The following SYT16 variants were observed in gnomAD, a reference collection of about 807,000 sequenced individuals.
SYT16 encodes synaptotagmin 16.
SYT16 carries 42 observed loss-of-function variants against 61.4 expected under a neutral mutation model. That is an observed-to-expected ratio of 0.68 (90% CI 0.53 to 0.89). The LOEUF (loss-of-function observed/expected upper bound fraction) is 0.89. Among genes scored for constraint, SYT16 ranks in the 40% least tolerant of loss-of-function variants. The pLI is 0.00. For missense variants in SYT16, 804 were observed against 807.3 expected, an observed-to-expected ratio of 1.00 and a Z score of 0.05; for synonymous variants, 314 against 302.3, an observed-to-expected ratio of 1.04 and a Z score of -0.40.
chr14:62,072,386 T>G (rs1026558272), intron 4 of SYT16, among the ~76,000 whole-genome samples: 35 of 148,102 alleles, frequency 2.4e-4, no homozygotes, highest in Non-Finnish European at 1.8e-4. Context: ...CATGCAGGGG[T>G]GTGTGTGTGT....
At chr14:61,842,828 T>C (rs2046338556) in intron 1 of SYT16, among the ~76,000 whole-genome samples, 1 of 151,952 alleles carries the variant, frequency 6.6e-6, no homozygotes, top group South Asian at 2.1e-4. Context: ...TAATGCTAAA[T>C]GACGAGTTAA....
intron 1 of SYT16, among the ~76,000 whole-genome samples, chr14:61,815,615 C>G (rs952416545): frequency 6.6e-6 from 1 of 152,122 alleles, no homozygotes; most frequent in African/African-American, 2.4e-5. Context: ...AGAAAATGTT[C>G]TTATATCTAG....
chr14:61,922,045 T>C (rs2049352069), intron 1 of SYT16, among the ~76,000 whole-genome samples: 1 of 152,186 alleles, frequency 6.6e-6, no homozygotes, highest in Admixed American at 6.5e-5. Context: ...AATGCTACAG[T>C]CTCAAAAGAA....
At chr14:61,970,425 T>C (rs1199056930) in intron 2 of SYT16, 114 bp downstream of exon 2, 1 of 152,218 alleles carries the variant, frequency 6.6e-6, no homozygotes, top group Non-Finnish European at 1.5e-5. Context: ...GAAAGTAATG[T>C]TCTCCCTAGA....
chr14:62,031,386 T>C, intron 3 of SYT16, among the ~76,000 whole-genome samples: 1 of 152,188 alleles, frequency 6.6e-6, no homozygotes, highest in East Asian at 1.9e-4. Context: ...ATGGAGATGA[T>C]GTTCACAGTG....
chr14:61,989,945 T>A (rs780157029), intron 2 of SYT16, among the ~76,000 whole-genome samples: 36 of 152,196 alleles, frequency 2.4e-4, no homozygotes, highest in South Asian at 4.1e-4. Flanking sequence ...ATGGCTGTAC[T>A]GTATCCGTAT....
chr14:61,833,560 C>T (rs1211178838), intron 1 of SYT16, among the ~76,000 whole-genome samples: 1 of 151,956 alleles, frequency 6.6e-6, no homozygotes, highest in Non-Finnish European at 1.5e-5. Flanking sequence ...GCTGGGATTA[C>T]AGGCGTGAGC....
chr14:62,089,706 T>C (rs1314652514), intron 7 of SYT16, among the ~76,000 whole-genome samples: 1 of 152,166 alleles, frequency 6.6e-6, no homozygotes, highest in East Asian at 1.9e-4. Context: ...TTACTACACG[T>C]GGTCAGTGTT....
At chr14:61,900,316 C>A (rs1169570152) in intron 1 of SYT16, among the ~76,000 whole-genome samples, 1 of 152,124 alleles carries the variant, frequency 6.6e-6, no homozygotes, top group Non-Finnish European at 1.5e-5. Context: ...TTCCACCACG[C>A]CCAGCTAATT....
At chr14:62,014,274 A>C (rs961513664) in intron 3 of SYT16, among the ~76,000 whole-genome samples, 1 of 152,148 alleles carries the variant, frequency 6.6e-6, no homozygotes, top group Admixed American at 6.5e-5. Context: ...TTAGTTATGG[A>C]CATCCTGTTA....
At chr14:62,011,874 T>TACACACACACACACACAC (rs576570781) in intron 3 of SYT16, among the ~76,000 whole-genome samples, 1 of 136,418 alleles carries the variant, frequency 7.3e-6, no homozygotes, top group African/African-American at 3.1e-5. Context: ...ACACTATATA[T>TACACACACACACACACAC]ACACACACAC....
chr14:62,029,714 C>G (rs568868269), intron 3 of SYT16, among the ~76,000 whole-genome samples: 3 of 151,882 alleles, frequency 2.0e-5, no homozygotes, highest in Non-Finnish European at 4.4e-5. Context: ...GTGGGGCTAT[C>G]AATAGAATCC....
chr14:61,859,106 G>C (rs945872424), intron 1 of SYT16, among the ~76,000 whole-genome samples: 1 of 151,776 alleles, frequency 6.6e-6, no homozygotes, highest in Non-Finnish European at 1.5e-5. Flanking sequence ...TGATTCGCCC[G>C]CCTCGGCCTC....
intron 1 of SYT16, among the ~76,000 whole-genome samples, chr14:61,937,891 A>C (rs2050044515): frequency 6.6e-6 from 1 of 152,152 alleles, no homozygotes; most frequent in Non-Finnish European, 1.5e-5. Flanking sequence ...TATTGACAGA[A>C]TACCCGCTTG....
chr14:62,057,912 C>T (rs940747662), intron 3 of SYT16, among the ~76,000 whole-genome samples: 5 of 152,252 alleles, frequency 3.3e-5, no homozygotes, highest in Admixed American at 3.3e-4. Flanking sequence ...CAAAAATTTC[C>T]TCCTGCCTCT....
At chr14:62,012,974 G>A (rs2053528140) in intron 3 of SYT16, among the ~76,000 whole-genome samples, 1 of 152,154 alleles carries the variant, frequency 6.6e-6, no homozygotes. Flanking sequence ...TGGTTTTGTA[G>A]ATCACTTCAG....
At chr14:61,987,172 C>T (rs951610881) in intron 2 of SYT16, among the ~76,000 whole-genome samples, 2 of 151,952 alleles carry the variant, frequency 1.3e-5, no homozygotes, top group Admixed American at 6.6e-5. Flanking sequence ...GATGGATGGG[C>T]ACTGTCAGGG....
At chr14:62,069,443 G>A (rs751823931) in intron 3 of SYT16, 160 bp from the exon 4 acceptor site, 115 of 655,168 alleles carry the variant, frequency 1.8e-4, no homozygotes, top group Non-Finnish European at 1.3e-4. Context: ...ACTCAAATTT[G>A]TGTTGCAAAA....
chr14:62,038,057 CT>C (rs775159596), intron 3 of SYT16, among the ~76,000 whole-genome samples: 3 of 152,084 alleles, frequency 2.0e-5, no homozygotes, highest in Non-Finnish European at 1.5e-5. Flanking sequence ...ATTCACTTTT[CT>C]TTTCCTATCC....
Sources: gnomAD v4.1 joint callset for allele counts (sites outside exome capture counted in the v4.1 genomes callset) on GRCh38, gnomAD v4.1.1 for gene constraint, MANE v1.5 for transcripts, NCBI Gene and HGNC (gene_info 2026-07-23, HGNC 2026-07-21) for gene names.